PLXDC2: variants seen among roughly 807,000 people sequenced by gnomAD.
PLXDC2 encodes plexin domain-containing protein 2.
In PLXDC2, 40 loss-of-function variants were observed where a neutral mutation model predicts 68.9. The ratio of observed to expected loss-of-function variants is 0.58; its 90% confidence interval spans 0.45 to 0.76. PLXDC2 has a LOEUF of 0.76. PLXDC2 is among the 30% of genes least tolerant of loss of function. The pLI, the probability that PLXDC2 is intolerant of heterozygous loss-of-function variation, is 0.00. For synonymous variants in PLXDC2, 243 were observed against 234.2 expected (o/e 1.04, Z -0.34); for missense variants, 644 against 661.9 (o/e 0.97, Z 0.30).
intron 1 of PLXDC2, among the ~76,000 whole-genome samples, chr10:19,886,844 A>G (rs772035414): frequency 1.3e-5 from 2 of 152,200 alleles, no homozygotes; most frequent in African/African-American, 2.4e-5. Context: ...AAGAGTCACA[A>G]TATGTATTTA....
At chr10:20,033,875 C>G (rs1835539284) in intron 2 of PLXDC2, among the ~76,000 whole-genome samples, 1 of 152,166 alleles carries the variant, frequency 6.6e-6, no homozygotes, top group African/African-American at 2.4e-5. Context: ...CTCTTTATTA[C>G]TGTTCTTTTT....
intron 1 of PLXDC2, among the ~76,000 whole-genome samples, chr10:19,972,753 TA>T (rs985208076): frequency 6.6e-6 from 1 of 152,154 alleles, no homozygotes; most frequent in African/African-American, 2.4e-5. Context: ...GAGTTATTTT[TA>T]AAAAGCCTAA....
chr10:20,230,282 C>A (rs1314737578), intron 12 of PLXDC2, among the ~76,000 whole-genome samples: 1 of 151,964 alleles, frequency 6.6e-6, no homozygotes, highest in Non-Finnish European at 1.5e-5. Flanking sequence ...GCAAATATAA[C>A]CACAGAAAAG....
At chr10:20,178,905 A>C (rs1490100669) in intron 9 of PLXDC2, among the ~76,000 whole-genome samples, 1 of 152,136 alleles carries the variant, frequency 6.6e-6, no homozygotes, top group Non-Finnish European at 1.5e-5. Context: ...GAGATTTTTA[A>C]GTTAGTTATA....
intron 1 of PLXDC2, among the ~76,000 whole-genome samples, chr10:19,988,464 T>C (rs1834685717): frequency 6.6e-6 from 1 of 151,770 alleles, no homozygotes; most frequent in South Asian, 2.1e-4. Flanking sequence ...TGACTGAAAA[T>C]AGATAATATT....
At chr10:20,106,893 G>A (rs1249422681) in intron 4 of PLXDC2, among the ~76,000 whole-genome samples, 1 of 151,494 alleles carries the variant, frequency 6.6e-6, no homozygotes, top group African/African-American at 2.4e-5. Flanking sequence ...TATCGTGGAT[G>A]CATATTACAT....
chr10:19,930,305 G>A (rs1364341686), intron 1 of PLXDC2, among the ~76,000 whole-genome samples: 1 of 152,138 alleles, frequency 6.6e-6, no homozygotes, highest in African/African-American at 2.4e-5. Flanking sequence ...TTTATAGAAG[G>A]ATAGAAACTT....
At chr10:19,891,430 G>C (rs942536682) in intron 1 of PLXDC2, among the ~76,000 whole-genome samples, 10 of 151,698 alleles carry the variant, frequency 6.6e-5, no homozygotes, top group African/African-American at 2.4e-4. Flanking sequence ...ACAATCTTCC[G>C]TAATTACCAT....
intron 4 of PLXDC2, among the ~76,000 whole-genome samples, chr10:20,120,999 G>T (rs1324101775): frequency 2.0e-5 from 3 of 152,158 alleles, no homozygotes; most frequent in Non-Finnish European, 4.4e-5. Flanking sequence ...GGATCAGAGA[G>T]ATACAGTCAT....
chr10:20,135,195 A>G (rs1833918681), intron 4 of PLXDC2, among the ~76,000 whole-genome samples: 1 of 152,208 alleles, frequency 6.6e-6, no homozygotes. Context: ...TACCTGCACG[A>G]TTAAGGCTTT....
rs188184981 is a variant in PLXDC2, at chr10:19,887,479, G to A, written c.112+70288G>A. 1.4e-3 allele frequency among the ~76,000 whole-genome samples: 215 copies of A among 152,154 alleles called. 1 individual carries two copies. The highest frequency in any genetic ancestry group is 4.9e-3 in the African/African-American group (202 of 41,484). On this transcript the variant is annotated intron_variant, in intron 1 of 13. Transcript: ENST00000377252. Reference sequence around the variant, plus strand: ...AGAGGTTGCAGTGAGCTGAGATCGCGCCACTGCTCTCCAGCCTGGGCGACA... The same window carrying A: ...AGAGGTTGCAGTGAGCTGAGATCGCACCACTGCTCTCCAGCCTGGGCGACA...
chr10:19,863,429 T>C (rs1477130361), intron 1 of PLXDC2, among the ~76,000 whole-genome samples: 2 of 152,200 alleles, frequency 1.3e-5, no homozygotes, highest in East Asian at 3.9e-4. Flanking sequence ...ATAGCTGGGC[T>C]GCAAAGAAAT....
At chr10:19,887,534 AAAAC>A (rs956003517) in intron 1 of PLXDC2, among the ~76,000 whole-genome samples, 3 of 152,148 alleles carry the variant, frequency 2.0e-5, no homozygotes, top group African/African-American at 7.2e-5. Context: ...AAACAAAAAC[AAAAC>A]AAACAAAAAA....
chr10:20,074,439 C>G (rs1836399531), intron 4 of PLXDC2, among the ~76,000 whole-genome samples: 1 of 151,974 alleles, frequency 6.6e-6, no homozygotes, highest in Non-Finnish European at 1.5e-5. Flanking sequence ...AAAAAAATAC[C>G]TTACTTTTTG....
At chr10:19,818,772 A>T (rs1836406510) in intron 1 of PLXDC2, among the ~76,000 whole-genome samples, 1 of 152,170 alleles carries the variant, frequency 6.6e-6, no homozygotes, top group Admixed American at 6.5e-5. Flanking sequence ...GGACACAGTT[A>T]TTTAAAAATT....
chr10:20,192,737 A>C (rs906699379), intron 9 of PLXDC2, among the ~76,000 whole-genome samples: 38 of 152,236 alleles, frequency 2.5e-4, no homozygotes, highest in African/African-American at 8.2e-4. Context: ...CATTTTAGAA[A>C]AAATGGGCTG....
In PLXDC2 at chr10:19,817,340, C is replaced by G. The variant is rs1256171688; in HGVS notation, c.112+149C>G. The G allele has an allele frequency of 1.2e-5, 8 of 692,748 alleles. No individual in the cohort carries two copies. In the East Asian group the frequency reaches 2.2e-4, roughly 19 times the overall value. The allele number at this position is 692,748 out of a possible 1,614,324, so 42.9% of individuals were successfully genotyped here. On this transcript the variant is annotated intron_variant, in intron 1 of 13. Coordinates refer to ENST00000377252, the MANE Select transcript of PLXDC2 (RefSeq NM_032812.9). ...GCTTTTCGGCTAAACTTAGGCTTCC[C>G]AAATGGGGAAAGAGGGTTATCAAGA...
chr10:20,068,293 A>G (rs977359171), intron 4 of PLXDC2, 54 bp downstream of exon 4: 1 of 1,396,794 alleles, frequency 7.2e-7, no homozygotes, highest in Admixed American at 2.0e-5. Flanking sequence ...GACTGCAGTT[A>G]TTATTTTTAA....
chr10:20,275,365 A>G (rs1206052436), intron 13 of PLXDC2, among the ~76,000 whole-genome samples: 2 of 152,148 alleles, frequency 1.3e-5, no homozygotes, highest in Admixed American at 6.5e-5. Context: ...TTGAATCAGG[A>G]GCTGCAGTTT....
Sources: allele counts gnomAD v4.1 joint callset (sites outside exome capture counted in the v4.1 genomes callset), GRCh38; gene constraint gnomAD v4.1.1; transcripts MANE v1.5; gene names NCBI Gene and HGNC (gene_info 2026-07-23, HGNC 2026-07-21).